The following TNK2 variants were observed in gnomAD, a reference collection of about 807,000 sequenced individuals.
The protein encoded by TNK2 is tyrosine kinase non receptor 2, also known as activated CDC42 kinase 1.
In TNK2, 83 loss-of-function variants were observed where a neutral mutation model predicts 101.8. The observed-to-expected ratio is 0.82, with a 90% CI of 0.68 to 0.98. TNK2 has a LOEUF of 0.98. TNK2 is among the 50% of genes least tolerant of loss of function. The probability of loss-of-function intolerance (pLI) is 0.00; values close to 1 mark genes in which losing one functional copy is unlikely to be tolerated. For synonymous variants in TNK2, 804 were observed against 633.0 expected (o/e 1.27, Z -4.06); for missense variants, 1,665 against 1,483.2 (o/e 1.12, Z -2.01).
intron 2 of TNK2, among the ~76,000 whole-genome samples, chr3:195,887,887 C>CTCACGTGCATGCGTGTGT (rs1553914569): frequency 5.5e-5 from 8 of 144,946 alleles, no homozygotes; most frequent in African/African-American, 2.1e-4. Context: ...CGCGTGCGTA[C>CTCACGTGCATGCGTGTGT]GCACGTGCAT....
chr3:195,881,971 G>A, intron 6 of TNK2, 80 bp downstream of exon 6: 2 of 1,514,736 alleles, frequency 1.3e-6, no homozygotes, highest in Non-Finnish European at 1.8e-6. Flanking sequence ...ACCAGGGGCT[G>A]TGGTGGGTCC....
chr3:195,872,329 C>G lies in TNK2; in HGVS notation c.1398G>C (p.Gly466=). 1.2e-6 allele frequency: 2 copies of G among 1,613,316 alleles called. No homozygotes were observed. Among genetic ancestry groups the G allele is most frequent in the Non-Finnish European group, 1.7e-6 (2 of 1,179,938 alleles). ...QPLQNSFIHT[G]HGDSDPRHCW... ...AGTGGCGGGGGTCACTGTCGCCATG[C>G]CCTGTGTGGATGAAGCTGTTCTGCA... Residue 466 remains glycine, a synonymous_variant, in exon 10 of 16, where the codon GGG becomes GGC. Transcript: ENST00000672887.
chr3:195,868,341 C>T lies in TNK2; in HGVS notation c.1957G>A (p.Val653Met), dbSNP rs201407161. 2,790 of 1,601,154 alleles carry T rather than the reference C, an allele frequency of 1.7e-3. 25 individuals carry two copies. The highest frequency in any genetic ancestry group is 0.013 in the South Asian group (1,166 of 90,934). ...PLPPPPAYDDVAQDEDDFEIC... is the reference protein window; with the variant it reads ...PLPPPPAYDDMAQDEDDFEIC... ...TCAAAGTCATCCTCATCCTGGGCCA[C>T]GTCGTCATAGGCGGGCGGGGGGGGC... Residue 653 changes from valine to methionine, a missense_variant, in exon 13 of 16, where the codon GTG becomes ATG. Physicochemically the swap from Val to Met is conservative, Grantham distance 21. Coordinates refer to ENST00000672887, the MANE Select transcript of TNK2 (RefSeq NM_001382273.1).
chr3:195,873,265 TGGGCAG>T (rs367947707), intron 9 of TNK2, among the ~76,000 whole-genome samples: 24 of 152,084 alleles, frequency 1.6e-4, no homozygotes, highest in African/African-American at 2.4e-4. Flanking sequence ...AGCCGGGGCC[TGGGCAG>T]GGGCAGGGGC....
intron 12 of TNK2, chr3:195,869,078 C>A (rs941418465): frequency 4.3e-6 from 2 of 464,936 alleles, no homozygotes; most frequent in Non-Finnish European, 7.7e-6. Context: ...TGTCACGGCA[C>A]ACCATTAGTG....
chr3:195,899,991 A>G (rs1285756821), intron 1 of TNK2, among the ~76,000 whole-genome samples: 1 of 151,904 alleles, frequency 6.6e-6, no homozygotes, highest in Non-Finnish European at 1.5e-5. Context: ...TAATCCAGAG[A>G]CGCCAGCACC....
At chr3:195,900,602 C>A (rs932458944) in intron 1 of TNK2, among the ~76,000 whole-genome samples, 1 of 152,240 alleles carries the variant, frequency 6.6e-6, no homozygotes, top group Non-Finnish European at 1.5e-5. Context: ...TGGACCATCG[C>A]TCCCCAACAC....
intron 10 of TNK2, chr3:195,870,475 C>T (rs1744327665): frequency 8.5e-7 from 1 of 1,177,270 alleles, no homozygotes; most frequent in Admixed American, 2.5e-5. Context: ...AGGTGGTCCT[C>T]CACAACCCCC....
intron 1 of TNK2, among the ~76,000 whole-genome samples, chr3:195,901,333 G>A (rs1370827415): frequency 6.6e-6 from 1 of 152,214 alleles, no homozygotes; most frequent in East Asian, 1.9e-4. Context: ...CTGGCCACAG[G>A]GTAGGGGGAG....
intron 6 of TNK2, among the ~76,000 whole-genome samples, chr3:195,880,320 T>C (rs947857513): frequency 2.0e-5 from 3 of 152,130 alleles, no homozygotes; most frequent in African/African-American, 7.2e-5. Context: ...AGTCTTTCCC[T>C]GGCGAACTTC....
At chr3:195,876,299 C>T (rs989844418) in intron 9 of TNK2, 10 of 412,708 alleles carry the variant, frequency 2.4e-5, no homozygotes, top group Non-Finnish European at 2.9e-5. Flanking sequence ...GTCAGAGCTG[C>T]GGCAGGTGGC....
chr3:195,882,775 G>A lies in TNK2; in HGVS notation c.609+382C>T, dbSNP rs565479424. Among the ~76,000 whole-genome samples, 5 of 152,242 alleles carry A rather than the reference G, an allele frequency of 3.3e-5. No homozygotes were observed. Among genetic ancestry groups the A allele is most frequent in the Admixed American group, 6.5e-5 (1 of 15,296 alleles). On this transcript the variant is annotated intron_variant, in intron 5 of 15. Coordinates refer to ENST00000672887, the MANE Select transcript of TNK2 (RefSeq NM_001382273.1). The surrounding 1 kb of genome is among the most constrained non-coding windows in gnomAD (Gnocchi z 4.2). ...TGGAAGCCTGAGGCAGGAATATCGC[G>A]TGAACCCAGGAGGCCGAGGTTGCAG... is the stretch of plus-strand genomic sequence containing the variant.
At chr3:195,892,327 G>A (rs940168191) in intron 1 of TNK2, 32 of 1,359,926 alleles carry the variant, frequency 2.4e-5, no homozygotes, top group Non-Finnish European at 2.9e-5. Context: ...GCCGCTCCCA[G>A]TCTTGCTTTC....
Position 195,888,263 on chromosome 3 carries a change from C to T in TNK2, c.163+163G>A, listed in dbSNP as rs1391042627. 6.6e-6 allele frequency among the ~76,000 whole-genome samples: 1 copy of T among 152,172 alleles called. No homozygotes were observed. The highest frequency in any genetic ancestry group is 1.5e-5 in the Non-Finnish European group (1 of 68,036). ...CTCAAACTCCAATTCACCTTTATAA[C>T]TGCCAACTGTTCTCATCACACATCA... On this transcript the variant is annotated intron_variant, in intron 2 of 15. Transcript: ENST00000672887. This position sits in a 1 kb window ranked among gnomAD's most constrained non-coding sequence, Gnocchi z 5.3.
At position 195,888,571 on chromosome 3, in the gene TNK2, G is replaced by A; in HGVS notation, c.18C>T (p.Gly6=). Residue 6 remains glycine (G), a synonymous_variant, in exon 2 of 16, where the codon GGC becomes GGT. Transcript: ENST00000672887. This position sits in a 1 kb window ranked among gnomAD's most constrained non-coding sequence, Gnocchi z 5.3. ...ACAGCAGCTCCAGCAGCCAGCCTGT[G>A]CCCTCCTCTGGCTGCATTCTGCCGC... MQPEE[G]TGWLLELLSE... 3 of 1,611,940 alleles carry A rather than the reference G, an allele frequency of 1.9e-6. No individual in the cohort carries two copies. Among genetic ancestry groups the A allele is most frequent in the Non-Finnish European group, 2.5e-6 (3 of 1,179,742 alleles).
Position 195,874,622 on chromosome 3 carries a change from G to A in TNK2, c.1257-2152C>T, listed in dbSNP as rs13066070. Among the ~76,000 whole-genome samples the A allele has an allele frequency of 1.1e-3, 59 of 52,342 alleles. 5 individuals carry two copies. Among genetic ancestry groups the A allele is most frequent in the African/African-American group, 5.7e-3 (49 of 8,594 alleles). The allele number at this position is 52,342 out of a possible 152,430, so 34.3% of individuals were successfully genotyped here. ...CCACGCACACTCCGAGGCACAAGAAGCTCCCCTCGGGATGGCGCCCACGCA... is the reference window on the plus strand; with the variant it reads ...CCACGCACACTCCGAGGCACAAGAAACTCCCCTCGGGATGGCGCCCACGCA... On this transcript the variant is annotated intron_variant, in intron 9 of 15. Transcript: ENST00000672887.
intron 1 of TNK2, chr3:195,892,428 G>T (rs1190121290): frequency 5.2e-6 from 8 of 1,535,084 alleles, no homozygotes; most frequent in Non-Finnish European, 7.0e-6. Flanking sequence ...AGGCGTCGCC[G>T]CAGTCTGGCC....
intron 1 of TNK2, among the ~76,000 whole-genome samples, chr3:195,901,651 T>A (rs1438962368): frequency 2.6e-5 from 4 of 152,188 alleles, no homozygotes; most frequent in Non-Finnish European, 5.9e-5. Flanking sequence ...AGTCATAGCC[T>A]GGGTCCTCAG....
At position 195,885,814 on chromosome 3, in the gene TNK2, C is replaced by T. The variant is rs1326035742; in HGVS notation, c.235-781G>A. The T allele has an allele frequency of 3.0e-6, 1 of 334,232 alleles. No homozygotes were observed. The highest frequency in any genetic ancestry group is 5.9e-6 in the Non-Finnish European group (1 of 168,322). The allele number at this position is 334,232 out of a possible 1,614,324, so 20.7% of individuals were successfully genotyped here. On this transcript the variant is annotated intron_variant, in intron 3 of 15. Coordinates refer to ENST00000672887, the MANE Select transcript of TNK2 (RefSeq NM_001382273.1). The surrounding 1 kb of genome is among the most constrained non-coding windows in gnomAD (Gnocchi z 4.7). The stretch of plus-strand genomic sequence containing the variant: ...GTCTGACTCGGCCTCCACTGAGGCA[C>T]CCACAGCCTTGGCTCCAGATTGCAG...
Sources: allele counts gnomAD v4.1 joint callset (sites outside exome capture counted in the v4.1 genomes callset), GRCh38; gene constraint gnomAD v4.1.1; non-coding constraint Gnocchi (gnomAD v3.1); transcripts MANE v1.5; gene names NCBI Gene and HGNC (gene_info 2026-07-23, HGNC 2026-07-21).